ANO2: variants seen among roughly 807,000 people sequenced by gnomAD.
ANO2 encodes anoctamin-2.
In ANO2, 101 loss-of-function variants were observed where a neutral mutation model predicts 124.2. The observed-to-expected ratio is 0.81, with a 90% CI of 0.69 to 0.96. ANO2 has a LOEUF of 0.96. Ranked by LOEUF, ANO2 falls within the 40% of genes least tolerant of loss-of-function variation. The pLI, the probability that ANO2 is intolerant of heterozygous loss-of-function variation, is 0.00. For synonymous variants in ANO2, 486 were observed against 482.5 expected, an observed-to-expected ratio of 1.01 and a Z score of -0.09; for missense variants, 1,293 against 1,274.5, an observed-to-expected ratio of 1.01 and a Z score of -0.22.
chr12:5,898,206 A>G (rs573221557), intron 3 of ANO2, among the ~76,000 whole-genome samples: 1 of 152,354 alleles, frequency 6.6e-6, no homozygotes, highest in East Asian at 1.9e-4. Context: ...ACCACTACAC[A>G]TGTATCAGAA....
chr12:5,628,105 G>T (rs1172206066), intron 16 of ANO2, among the ~76,000 whole-genome samples: 2 of 151,712 alleles, frequency 1.3e-5, no homozygotes, highest in Non-Finnish European at 2.9e-5. Context: ...GTCTATTTTT[G>T]AAAAAAGAGA....
chr12:5,824,773 G>A (rs765441378), intron 7 of ANO2, among the ~76,000 whole-genome samples: 8 of 152,104 alleles, frequency 5.3e-5, no homozygotes, highest in East Asian at 1.9e-4. Context: ...AGACATACCC[G>A]AGACTGGGAA....
At chr12:5,712,430 A>G (rs1949852569) in intron 14 of ANO2, among the ~76,000 whole-genome samples, 1 of 152,210 alleles carries the variant, frequency 6.6e-6, no homozygotes, top group Non-Finnish European at 1.5e-5. Flanking sequence ...GGAGAGAGCC[A>G]TGTAAAGATG....
chr12:5,686,712 C>T (rs1354795756), intron 14 of ANO2, among the ~76,000 whole-genome samples: 1 of 152,226 alleles, frequency 6.6e-6, no homozygotes, highest in Non-Finnish European at 1.5e-5. Context: ...AAGCGCCCAC[C>T]CAAGGACACC....
intron 10 of ANO2, among the ~76,000 whole-genome samples, chr12:5,773,047 G>C (rs1011760514): frequency 6.6e-6 from 1 of 152,266 alleles, no homozygotes. Flanking sequence ...AGAGTAAAGA[G>C]AGTGGGGTGT....
Position 5,692,072 on chromosome 12 carries a change from T to C in ANO2, c.1545+40448A>G, listed in dbSNP as rs560845306. Among the ~76,000 whole-genome samples the C allele has an allele frequency of 4.6e-5, 7 of 152,204 alleles. No homozygotes were observed. In the South Asian group the frequency reaches 1.2e-3, roughly 27 times the overall value. On this transcript the variant is annotated intron_variant, in intron 14 of 24. Coordinates refer to ENST00000682330, the MANE Select transcript of ANO2 (RefSeq NM_001364791.2). ...CTGATTTACAGTCCAGAAAGCTCAC[T>C]TCAGCTAACGTATGGAGACTAGACT...
At chr12:5,801,013 A>G (rs887232561) in intron 9 of ANO2, among the ~76,000 whole-genome samples, 1 of 152,216 alleles carries the variant, frequency 6.6e-6, no homozygotes, top group Non-Finnish European at 1.5e-5. Flanking sequence ...GAGGAGAACC[A>G]GAAGTGTGTG....
intron 20 of ANO2, among the ~76,000 whole-genome samples, chr12:5,582,776 A>G (rs1278481540): frequency 6.6e-6 from 1 of 152,100 alleles, no homozygotes; most frequent in Non-Finnish European, 1.5e-5. Flanking sequence ...TACATTTCTG[A>G]GCCTTGGTAC....
intron 9 of ANO2, among the ~76,000 whole-genome samples, chr12:5,800,385 G>A (rs1953003158): frequency 6.6e-6 from 1 of 152,188 alleles, no homozygotes; most frequent in Admixed American, 6.5e-5. Flanking sequence ...GAAGCCACTG[G>A]GAGATTTGCA....
chr12:5,853,545 G>C (rs746627846), intron 4 of ANO2, among the ~76,000 whole-genome samples: 3 of 152,032 alleles, frequency 2.0e-5, no homozygotes, highest in South Asian at 2.1e-4. Flanking sequence ...ACCTGATTAA[G>C]AACCTTCTGA....
chr12:5,631,089 G>A (rs982982001), intron 16 of ANO2, among the ~76,000 whole-genome samples: 1 of 152,182 alleles, frequency 6.6e-6, no homozygotes, highest in Admixed American at 6.5e-5. Context: ...GAACACAGAT[G>A]ACTTTATGTG....
At chr12:5,834,670 C>A (rs1273544792) in intron 4 of ANO2, among the ~76,000 whole-genome samples, 1 of 152,200 alleles carries the variant, frequency 6.6e-6, no homozygotes, top group African/African-American at 2.4e-5. Flanking sequence ...TTTTTCTATG[C>A]ATTTTGATTT....
At chr12:5,822,852 T>G (rs541436908) in intron 7 of ANO2, among the ~76,000 whole-genome samples, 2 of 152,318 alleles carry the variant, frequency 1.3e-5, no homozygotes, top group East Asian at 3.9e-4. Flanking sequence ...CAGTTCCACA[T>G]GGTTGGGGAG....
intron 16 of ANO2, among the ~76,000 whole-genome samples, chr12:5,620,889 G>A (rs1248614003): frequency 6.6e-6 from 1 of 152,078 alleles, no homozygotes. Flanking sequence ...GTTAGCAAAT[G>A]CCCCATAAGA....
At position 5,750,858 on chromosome 12, in the gene ANO2, T is replaced by C. The variant is rs1291409468; in HGVS notation, c.1168A>G (p.Thr390Ala). 1.2e-6 allele frequency: 2 copies of C among 1,612,816 alleles called. No individual in the cohort carries two copies. The highest frequency in any genetic ancestry group is 3.3e-5 in the Admixed American group (2 of 59,910). Residue 390 changes from threonine (T) to alanine (A), a missense_variant, in exon 11 of 25, where the codon ACA becomes GCA. Physicochemically the swap from Thr to Ala is moderately conservative, Grantham distance 58. Transcript: ENST00000682330. ...TACCTGGGAATATCTTCTTCAATTG[T>C]TGCACATCCATAAAGAAACACAATC... ...GVIVFLYGCA[T>A]IEEDIPSREM...
intron 14 of ANO2, among the ~76,000 whole-genome samples, chr12:5,654,338 T>C (rs992664922): frequency 6.6e-6 from 1 of 152,238 alleles, no homozygotes; most frequent in Non-Finnish European, 1.5e-5. Context: ...TGGTTGCTTC[T>C]AGATTTTTAA....
chr12:5,693,258 A>G (rs1437946100), intron 14 of ANO2, among the ~76,000 whole-genome samples: 1 of 152,192 alleles, frequency 6.6e-6, no homozygotes, highest in Non-Finnish European at 1.5e-5. Context: ...TCACATGTTC[A>G]TAAGTAAATA....
At chr12:5,656,208 C>A (rs1947145474) in intron 14 of ANO2, among the ~76,000 whole-genome samples, 1 of 152,202 alleles carries the variant, frequency 6.6e-6, no homozygotes. Flanking sequence ...AAAGTGACCA[C>A]CCACCTGTTG....
At chr12:5,668,329 T>C (rs1947835957) in intron 14 of ANO2, among the ~76,000 whole-genome samples, 1 of 152,228 alleles carries the variant, frequency 6.6e-6, no homozygotes, top group Admixed American at 6.5e-5. Flanking sequence ...TATTCATATG[T>C]TTGTTGGCTG....
Sources: allele counts gnomAD v4.1 joint callset (sites outside exome capture counted in the v4.1 genomes callset), GRCh38; gene constraint gnomAD v4.1.1; transcripts MANE v1.5; gene names NCBI Gene and HGNC (gene_info 2026-07-23, HGNC 2026-07-21).